HDHD5: variants seen among roughly 807,000 people sequenced by gnomAD.
HDHD5 encodes the protein haloacid dehalogenase-like hydrolase domain-containing 5.
A neutral mutation model predicts 35.5 loss-of-function variants in HDHD5; 34 were observed. The observed-to-expected ratio is 0.96, with a 90% CI of 0.73 to 1.28. HDHD5 has a LOEUF of 1.28. HDHD5 is among the 50% of genes most tolerant of loss of function. The pLI, the probability that HDHD5 is intolerant of heterozygous loss-of-function variation, is 0.00. For synonymous variants in HDHD5, 248 were observed against 240.6 expected, an observed-to-expected ratio of 1.03 and a Z score of -0.29; for missense variants, 589 against 560.2, an observed-to-expected ratio of 1.05 and a Z score of -0.52.
intron 1 of HDHD5, among the ~76,000 whole-genome samples, chr22:17,151,109 A>G (rs1465333375): frequency 6.6e-6 from 1 of 152,244 alleles, no homozygotes; most frequent in Non-Finnish European, 1.5e-5. Context: ...GTTCAAAAAC[A>G]TGTCCACTGG....
In HDHD5 at chr22:17,148,340, G is replaced by C. The variant is rs73876651; in HGVS notation, c.443+108C>G. On this transcript the variant is annotated intron_variant, in intron 3 of 7. Coordinates refer to ENST00000336737, the MANE Select transcript of HDHD5 (RefSeq NM_033070.3). ...CTCCCCTGAGCCCACAACATCGCCTGTGTACCCCAGCACCCAGCACTCCTC... is the reference window on the plus strand; with the variant it reads ...CTCCCCTGAGCCCACAACATCGCCTCTGTACCCCAGCACCCAGCACTCCTC... 1,118 of 878,492 alleles carry C rather than the reference G, an allele frequency of 1.3e-3. 8 individuals carry two copies. The African/African-American group carries it at 0.016, about 13-fold the overall frequency. The allele number at this position is 878,492 out of a possible 1,614,324, so 54.4% of individuals were successfully genotyped here. A position where few individuals can be genotyped will look rare whatever the true frequency, so the allele number is the denominator to read the frequency against.
At chr22:17,140,933 C>T in intron 6 of HDHD5, 126 bp downstream of exon 6, 1 of 787,152 alleles carries the variant, frequency 1.3e-6, no homozygotes, top group South Asian at 2.2e-5. Flanking sequence ...GCAGCAACAA[C>T]AGGGCCTACC....
chr22:17,137,960 C>G lies in HDHD5; in HGVS notation c.*61G>C. 1.4e-6 allele frequency: 2 copies of G among 1,443,252 alleles called. No individual in the cohort carries two copies. The highest frequency in any genetic ancestry group is 4.7e-5 in the East Asian group (2 of 42,644). The allele number at this position is 1,443,252 out of a possible 1,614,324, so 89.4% of individuals were successfully genotyped here. A position where few individuals can be genotyped will look rare whatever the true frequency, so the allele number is the denominator to read the frequency against. On this transcript the variant is annotated 3_prime_UTR_variant, in exon 8 of 8. Coordinates refer to ENST00000336737, the MANE Select transcript of HDHD5 (RefSeq NM_033070.3). ...CCTGAGCCCAGTGATCAGGCCAGAGCCCAGCCAATGGGACTCGCCCACAGG... is the reference window on the plus strand; with the variant it reads ...CCTGAGCCCAGTGATCAGGCCAGAGGCCAGCCAATGGGACTCGCCCACAGG...
chr22:17,162,722 G>A (rs1189279821), upstream of HDHD5, among the ~76,000 whole-genome samples: 1 of 152,200 alleles, frequency 6.6e-6, no homozygotes, highest in Non-Finnish European at 1.5e-5. Context: ...ATCCTCTAAG[G>A]AGAAATCTCA....
At chr22:17,159,358 T>G, upstream of HDHD5, 1 of 1,201,998 alleles carries the variant, frequency 8.3e-7, no homozygotes, top group Non-Finnish European at 1.1e-6. Context: ...ACGGGAGTTG[T>G]AGTCCTGTAA....
In HDHD5 at chr22:17,145,136, G is replaced by A. The variant is rs2061647196; in HGVS notation, c.444-19C>T. ...GCCCAGTCTGGAGCAAGCTCAGGAA[G>A]TAATGCTGGACAGTTCTTGGGGAAG... On this transcript the variant is annotated intron_variant, in intron 3 of 7. Transcript: ENST00000336737. 1.2e-6 allele frequency: 2 copies of A among 1,613,778 alleles called. No individual in the cohort carries two copies. The highest frequency in any genetic ancestry group is 1.7e-6 in the Non-Finnish European group (2 of 1,179,940).
intron 1 of HDHD5, among the ~76,000 whole-genome samples, chr22:17,150,879 C>A (rs1211106866): frequency 6.6e-6 from 1 of 152,190 alleles, no homozygotes; most frequent in Non-Finnish European, 1.5e-5. Context: ...TGGCTACATA[C>A]TATTCTGAGT....
chr22:17,159,799 G>A (rs902387134), upstream of HDHD5: 20 of 282,906 alleles, frequency 7.1e-5, no homozygotes, highest in African/African-American at 4.0e-4. Context: ...CCGCCCCCGC[G>A]CGCACTGCGG....
rs775331690 is a variant in HDHD5 at position 17,138,787 on chromosome 22, C to G, written c.747-49G>C. 12 of 1,603,204 alleles carry G rather than the reference C, an allele frequency of 7.5e-6. No individual in the cohort carries two copies. The African/African-American group carries it at 1.6e-4, about 21-fold the overall frequency. On this transcript the variant is annotated intron_variant, in intron 6 of 7. Transcript: ENST00000336737. ...GTTCAGTCTTCCTGATCTCCAGGCTCTTCTAGAGAACACGACTGCCACTGT... is the reference window on the plus strand; with the variant it reads ...GTTCAGTCTTCCTGATCTCCAGGCTGTTCTAGAGAACACGACTGCCACTGT...
intron 5 of HDHD5, chr22:17,142,664 T>C (rs781618168): frequency 1.9e-5 from 3 of 156,876 alleles, no homozygotes; most frequent in African/African-American, 7.2e-5. Context: ...CTAAAAATGT[T>C]TCCTTTTATA....
chr22:17,152,282 G>A (rs1331292816), intron 1 of HDHD5, among the ~76,000 whole-genome samples: 1 of 42,054 alleles, frequency 2.4e-5, no homozygotes, highest in Non-Finnish European at 4.4e-5. Context: ...ACTGAAGGGA[G>A]TTAACTGAAA....
intron 1 of HDHD5, 80 bp from the exon 2 acceptor site, chr22:17,149,825 C>T (rs144899597): frequency 6.3e-6 from 8 of 1,270,320 alleles, no homozygotes; most frequent in South Asian, 1.3e-5. Context: ...ACACCATCCT[C>T]GGGTCACTCA....
intron 1 of HDHD5, among the ~76,000 whole-genome samples, chr22:17,164,671 C>G (rs2123888880): frequency 6.6e-6 from 1 of 152,298 alleles, no homozygotes; most frequent in South Asian, 2.1e-4. Context: ...TCTCTTATAC[C>G]ACTTCTGCTT....
chr22:17,143,907 A>G (rs1453204851), intron 4 of HDHD5, among the ~76,000 whole-genome samples: 1 of 152,260 alleles, frequency 6.6e-6, no homozygotes, highest in African/African-American at 2.4e-5. Flanking sequence ...GCCAACGGGC[A>G]CCTCAAGAGA....
At chr22:17,139,349 G>A (rs1395346240) in intron 6 of HDHD5, among the ~76,000 whole-genome samples, 1 of 152,112 alleles carries the variant, frequency 6.6e-6, no homozygotes, top group Non-Finnish European at 1.5e-5. Context: ...CCAACATGGT[G>A]AAAGCCTGTC....
At chr22:17,160,521 C>T (rs2061855641), upstream of HDHD5, among the ~76,000 whole-genome samples, 1 of 151,818 alleles carries the variant, frequency 6.6e-6, no homozygotes, top group Non-Finnish European at 1.5e-5. Flanking sequence ...CGGTGGCAGG[C>T]GCCTCAAGTC....
intron 4 of HDHD5, 37 bp downstream of exon 4, chr22:17,144,987 A>C: frequency 6.2e-7 from 1 of 1,611,782 alleles, no homozygotes; most frequent in Non-Finnish European, 8.5e-7. Flanking sequence ...GGAGGAGTGA[A>C]GGATGAAGAC....
chr22:17,138,831 G>T, intron 6 of HDHD5, 93 bp from the exon 7 acceptor site: 1 of 1,392,140 alleles, frequency 7.2e-7, no homozygotes, highest in Non-Finnish European at 1.0e-6. Context: ...CAAACACACA[G>T]ACCAGCCTTT....
chr22:17,159,084 C>A, intron 1 of HDHD5, 42 bp downstream of exon 1: 1 of 1,234,712 alleles, frequency 8.1e-7, no homozygotes, highest in Non-Finnish European at 1.0e-6. Context: ...CGCCTCCGGC[C>A]CTGAGTGGCG....
Sources: gnomAD v4.1 joint callset for allele counts (sites outside exome capture counted in the v4.1 genomes callset) on GRCh38, gnomAD v4.1.1 for gene constraint, MANE v1.5 for transcripts, NCBI Gene and HGNC (gene_info 2026-07-23, HGNC 2026-07-21) for gene names.